The following WDR3 variants were observed in gnomAD, a reference collection of about 807,000 sequenced individuals.
WDR3 encodes WD repeat-containing protein 3.
WDR3 carries 81 observed loss-of-function variants against 123.7 expected under a neutral mutation model. The ratio of observed to expected loss-of-function variants is 0.65; its 90% confidence interval spans 0.55 to 0.79. The LOEUF is 0.79. WDR3 is among the 30% of genes least tolerant of loss of function. The pLI, the probability that WDR3 is intolerant of heterozygous loss-of-function variation, is 0.00. For synonymous variants in WDR3, 390 were observed against 388.8 expected (o/e 1.00, Z -0.04); for missense variants, 1,027 against 1,123.2 (o/e 0.91, Z 1.22).
chr1:117,951,002 G>T, intron 16 of WDR3, 112 bp downstream of exon 16: 1 of 779,300 alleles, frequency 1.3e-6, no homozygotes, highest in Non-Finnish European at 2.0e-6. Context: ...TCATCATTCT[G>T]TTATATATCT....
chr1:117,949,447 T>C (rs754371705), intron 13 of WDR3, among the ~76,000 whole-genome samples: 4 of 152,242 alleles, frequency 2.6e-5, no homozygotes, highest in Admixed American at 6.5e-5. Context: ...ATCCATTCTA[T>C]GTATATTTTT....
chr1:117,956,362 T>C (rs1271108425), intron 24 of WDR3, among the ~76,000 whole-genome samples: 2 of 152,206 alleles, frequency 1.3e-5, no homozygotes, highest in African/African-American at 4.8e-5. Flanking sequence ...GAGTTTGAAC[T>C]ACTGAAGGCT....
chr1:117,951,882 T>G (rs1651625495), intron 16 of WDR3, 94 bp from the exon 17 acceptor site: 1 of 1,164,278 alleles, frequency 8.6e-7, no homozygotes, highest in Non-Finnish European at 1.2e-6. Flanking sequence ...CATTTTAATG[T>G]GTTTGAAAGA....
At chr1:117,948,564 C>A in intron 13 of WDR3, 58 bp downstream of exon 13, 2 of 1,294,574 alleles carry the variant, frequency 1.5e-6, no homozygotes, top group Non-Finnish European at 2.1e-6. Flanking sequence ...CCTGATTTCT[C>A]TCAGGGTTTC....
At chr1:117,937,175 T>G (rs894918231) in intron 4 of WDR3, among the ~76,000 whole-genome samples, 11 of 152,180 alleles carry the variant, frequency 7.2e-5, no homozygotes, top group African/African-American at 2.7e-4. Context: ...TTGTCTACCT[T>G]CTAGATCTCT....
intron 26 of WDR3, 38 bp from the exon 27 acceptor site, chr1:117,959,254 G>A (rs1406340433): frequency 6.3e-7 from 1 of 1,592,242 alleles, no homozygotes; most frequent in African/African-American, 1.4e-5. Flanking sequence ...AATTGAAGTG[G>A]GAGAAAATTT....
chr1:117,955,468 T>A, intron 24 of WDR3, 110 bp downstream of exon 24: 1 of 1,004,096 alleles, frequency 1.0e-6, no homozygotes, highest in African/African-American at 1.7e-5. Context: ...TCTTATAGGT[T>A]TAACTATATC....
chr1:117,937,082 A>AT (rs1245562824), intron 4 of WDR3, among the ~76,000 whole-genome samples, 195 bp downstream of exon 4: 1 of 151,920 alleles, frequency 6.6e-6, no homozygotes, highest in Non-Finnish European at 1.5e-5. Context: ...TTTTAAAATC[A>AT]TTTTTCTAAT....
At chr1:117,955,452 T>C in intron 24 of WDR3, 94 bp downstream of exon 24, 1 of 1,207,346 alleles carries the variant, frequency 8.3e-7, no homozygotes, top group Non-Finnish European at 1.2e-6. Context: ...TTATAATTGA[T>C]GGTTATCTTA....
intron 11 of WDR3, among the ~76,000 whole-genome samples, chr1:117,944,513 A>G: frequency 6.6e-6 from 1 of 152,122 alleles, no homozygotes; most frequent in Non-Finnish European, 1.5e-5. Flanking sequence ...CATATATACA[A>G]ATACTTTGTG....
At chr1:117,955,777 C>T (rs1334360932) in intron 24 of WDR3, among the ~76,000 whole-genome samples, 1 of 151,174 alleles carries the variant, frequency 6.6e-6, no homozygotes, top group African/African-American at 2.4e-5. Flanking sequence ...AAAAAAAAAT[C>T]ATTGGATTCA....
At position 117,934,594 on chromosome 1, in the gene WDR3, A is replaced by G; in HGVS notation, c.293A>G (p.Glu98Gly). 6.2e-7 allele frequency: 1 copy of G among 1,614,072 alleles called. No individual in the cohort carries two copies. The highest frequency in any genetic ancestry group is 8.5e-7 in the Non-Finnish European group (1 of 1,180,010). The change falls in exon 3 of 27, where the codon GAA becomes GGA. Residue 98 changes from glutamate (E) to glycine (G), a missense_variant. Physicochemically the swap from Glu to Gly is moderately conservative, Grantham distance 98. Coordinates refer to ENST00000349139, the MANE Select transcript of WDR3 (RefSeq NM_006784.3). Reference sequence around the variant, plus strand: ...CGAATCTTCAGTCTCCTGAGTGGGGAAGGAAATGTGACCTTCAATGGTCAC... The same window carrying G: ...CGAATCTTCAGTCTCCTGAGTGGGGGAGGAAATGTGACCTTCAATGGTCAC... ...SIRIFSLLSG[E>G]GNVTFNGHKA...
Position 117,965,471 on chromosome 1 carries a change from C to T in WDR3, c.*6024C>T, listed in dbSNP as rs1251574314. On this transcript the variant is annotated 3_prime_UTR_variant, in exon 27 of 27. Transcript: ENST00000349139. ...ATATTACATATACATGATTCATTACCTCAGCCCAAAACTTTGAAGTTGAAC... is the reference window on the plus strand; with the variant it reads ...ATATTACATATACATGATTCATTACTTCAGCCCAAAACTTTGAAGTTGAAC... The T allele has an allele frequency of 6.6e-6, 1 of 152,178 alleles. No individual in the cohort carries two copies. Among genetic ancestry groups the T allele is most frequent in the African/African-American group, 2.4e-5 (1 of 41,416 alleles). The allele number at this position is 152,178 out of a possible 1,614,324, so 9.4% of individuals were successfully genotyped here.
chr1:117,938,398 AAC>A lies in WDR3; in HGVS notation c.501-80_501-79del, dbSNP rs199871970. The A allele has an allele frequency of 2.6e-3, 2,839 of 1,095,956 alleles. 52 individuals are homozygous for A. In the African/African-American group the frequency reaches 0.04, roughly 15 times the overall value. 67.9% of individuals were successfully genotyped at this position (1,095,956 alleles called of 1,614,324 possible). Reference sequence around the variant, plus strand: ...TTGAAGCATATGTTCCTTTTAAAGCAACAGTGAGTTTTGGATCTCCCTATTCG... The same window carrying A: ...TTGAAGCATATGTTCCTTTTAAAGCAAGTGAGTTTTGGATCTCCCTATTCG... On this transcript the variant is annotated intron_variant, in intron 4 of 26. Transcript: ENST00000349139.
intron 24 of WDR3, among the ~76,000 whole-genome samples, chr1:117,956,016 T>TA (rs1480620037): frequency 6.6e-6 from 1 of 152,206 alleles, no homozygotes; most frequent in African/African-American, 2.4e-5. Flanking sequence ...TAGCAGGCTT[T>TA]AAAAAATTTG....
chr1:117,959,803 G>A lies in WDR3; in HGVS notation c.*356G>A, dbSNP rs79121815. Reference sequence around the variant, plus strand: ...GAAATTAACATTTCAAAAGTTTTTCGTATTTTTTTATGGCAGATGATTTGT... The same window carrying A: ...GAAATTAACATTTCAAAAGTTTTTCATATTTTTTTATGGCAGATGATTTGT... On this transcript the variant is annotated 3_prime_UTR_variant, in exon 27 of 27. Coordinates refer to ENST00000349139, the MANE Select transcript of WDR3 (RefSeq NM_006784.3). 1,757 of 158,616 alleles carry A rather than the reference G, an allele frequency of 0.011. 31 individuals carry two copies. The highest frequency in any genetic ancestry group is 0.039 in the African/African-American group (1,646 of 41,804). 9.8% of individuals were successfully genotyped at this position (158,616 alleles called of 1,614,324 possible). A position where few individuals can be genotyped will look rare whatever the true frequency, so the allele number is the denominator to read the frequency against.
intron 3 of WDR3, 91 bp from the exon 4 acceptor site, chr1:117,936,678 C>G: frequency 9.8e-7 from 1 of 1,017,600 alleles, no homozygotes; most frequent in Non-Finnish European, 1.5e-6. Context: ...CTGTGTATTG[C>G]CTTTTTAATA....
intron 11 of WDR3, among the ~76,000 whole-genome samples, chr1:117,945,760 A>G (rs1407817522): frequency 2.0e-5 from 3 of 152,142 alleles, no homozygotes; most frequent in Admixed American, 2.0e-4. Flanking sequence ...ATATGTAATG[A>G]TGTACTAATT....
intron 19 of WDR3, 58 bp from the exon 20 acceptor site, chr1:117,952,869 TTCTCGCTTCCTCATTTCTC>T: frequency 2.6e-6 from 4 of 1,550,796 alleles, no homozygotes; most frequent in Non-Finnish European, 3.5e-6. Context: ...AAGGAGCAGC[TTCTCGCTTCCTCATTTCTC>T]TTCATATAGA....
Sources: allele counts gnomAD v4.1 joint callset (sites outside exome capture counted in the v4.1 genomes callset), GRCh38; gene constraint gnomAD v4.1.1; transcripts MANE v1.5; gene names NCBI Gene and HGNC (gene_info 2026-07-23, HGNC 2026-07-21).